The following SPSB4 variants were observed in gnomAD, a reference collection of about 807,000 sequenced individuals.
SPSB4 encodes splA/ryanodine receptor domain and SOCS box containing 4.
SPSB4 carries 21 observed loss-of-function variants against 20.9 expected under a neutral mutation model. The observed-to-expected ratio is 1.01, with a 90% CI of 0.71 to 1.45. The LOEUF (loss-of-function observed/expected upper bound fraction) is 1.45. SPSB4 is among the 40% of genes most tolerant of loss of function. The pLI is 0.00. For synonymous variants in SPSB4, 207 were observed against 183.8 expected (o/e 1.13, Z -1.02); for missense variants, 399 against 399.2 (o/e 1.00, Z 0.00).
At chr3:141,111,832 A>C (rs1053828995) in intron 2 of SPSB4, among the ~76,000 whole-genome samples, 1 of 152,120 alleles carries the variant, frequency 6.6e-6, no homozygotes, top group Non-Finnish European at 1.5e-5. Flanking sequence ...ATCGGGCAAG[A>C]GTCTAGGGCT....
intron 2 of SPSB4, among the ~76,000 whole-genome samples, chr3:141,138,463 T>C (rs1374337170): frequency 6.6e-6 from 1 of 152,240 alleles, no homozygotes; most frequent in Non-Finnish European, 1.5e-5. Context: ...CTTTCTCTTG[T>C]GGGCATTTAG....
At chr3:141,094,153 C>CT (rs1294198350) in intron 2 of SPSB4, among the ~76,000 whole-genome samples, 2 of 152,322 alleles carry the variant, frequency 1.3e-5, no homozygotes, top group African/African-American at 4.8e-5. Flanking sequence ...GTGGTCTGCC[C>CT]TGAGGCTGAC....
At chr3:141,077,340 C>T (rs1938136794) in intron 2 of SPSB4, 1 of 152,242 alleles carries the variant, frequency 6.6e-6, no homozygotes. Context: ...GCTTCGTGAC[C>T]CGCCTGCTGG....
intron 1 of SPSB4, among the ~76,000 whole-genome samples, chr3:141,064,611 G>A (rs1295055007): frequency 6.6e-6 from 1 of 152,192 alleles, no homozygotes; most frequent in Non-Finnish European, 1.5e-5. Context: ...ACTTTGGCTA[G>A]GGGTGTACCA....
intron 2 of SPSB4, among the ~76,000 whole-genome samples, chr3:141,141,474 A>AC (rs1283629122): frequency 2.0e-5 from 3 of 151,358 alleles, no homozygotes; most frequent in Admixed American, 6.6e-5. Flanking sequence ...TCTTGGCTCC[A>AC]CCCCCCCAGT....
At position 141,109,159 on chromosome 3, in the gene SPSB4, G is replaced by A. The variant is rs1938752183; in HGVS notation, c.695-37983G>A. 2.0e-5 allele frequency among the ~76,000 whole-genome samples: 3 copies of A among 152,110 alleles called. 1 individual carries two copies. The highest frequency in any genetic ancestry group is 1.3e-4 in the Admixed American group (2 of 15,274). ...CCTGTTTTCAGCCACCCTCCCCAGA[G>A]GCAACCGATGCTGTCAGATTCTTGT... On this transcript the variant is annotated intron_variant, in intron 2 of 2. Transcript: ENST00000310546.
At chr3:141,142,803 CTTTTTTTTTTTTTT>C (rs57674247) in intron 2 of SPSB4, among the ~76,000 whole-genome samples, 18 of 62,032 alleles carry the variant, frequency 2.9e-4, no homozygotes, top group South Asian at 1.9e-3. Flanking sequence ...CCCTCTTTGT[CTTTTTTTTTTTTTT>C]TTTTTTTTTT....
intron 2 of SPSB4, among the ~76,000 whole-genome samples, chr3:141,132,691 A>T (rs561751721): frequency 1.3e-4 from 20 of 151,932 alleles, no homozygotes; most frequent in African/African-American, 4.6e-4. Flanking sequence ...TGGTTTATCC[A>T]CTCATTCATT....
At chr3:141,101,690 A>G (rs1938614704) in intron 2 of SPSB4, among the ~76,000 whole-genome samples, 1 of 152,226 alleles carries the variant, frequency 6.6e-6, no homozygotes, top group Admixed American at 6.5e-5. Flanking sequence ...TACCTGTGTA[A>G]TATTCCCCAA....
At chr3:141,140,819 A>C (rs1295524566) in intron 2 of SPSB4, among the ~76,000 whole-genome samples, 8 of 150,314 alleles carry the variant, frequency 5.3e-5, no homozygotes, top group East Asian at 2.0e-4. Context: ...CTCAGATCTC[A>C]AGCTGCGTGC....
At chr3:141,144,932 A>T (rs1223801991) in intron 2 of SPSB4, among the ~76,000 whole-genome samples, 1 of 152,144 alleles carries the variant, frequency 6.6e-6, no homozygotes, top group African/African-American at 2.4e-5. Flanking sequence ...CTGATGCCAG[A>T]TGGGGGACAG....
At chr3:141,111,592 A>C (rs1938798973) in intron 2 of SPSB4, among the ~76,000 whole-genome samples, 1 of 151,996 alleles carries the variant, frequency 6.6e-6, no homozygotes, top group Non-Finnish European at 1.5e-5. Context: ...CAGCAAGAAA[A>C]GAGTGGGAAC....
At chr3:141,104,107 T>C (rs1938652802) in intron 2 of SPSB4, among the ~76,000 whole-genome samples, 1 of 152,074 alleles carries the variant, frequency 6.6e-6, no homozygotes, top group African/African-American at 2.4e-5. Context: ...AAGCAGCCCC[T>C]AGAAGGGTGT....
intron 2 of SPSB4, among the ~76,000 whole-genome samples, chr3:141,114,660 T>C (rs1938857612): frequency 6.6e-6 from 1 of 152,226 alleles, no homozygotes; most frequent in South Asian, 2.1e-4. Flanking sequence ...TTATCCACGG[T>C]CAAGGGCATC....
At chr3:141,083,207 TG>T (rs918095656) in intron 2 of SPSB4, among the ~76,000 whole-genome samples, 5 of 151,992 alleles carry the variant, frequency 3.3e-5, no homozygotes, top group African/African-American at 1.2e-4. Context: ...CTCACTAGAG[TG>T]GGGGTGCCTG....
intron 2 of SPSB4, among the ~76,000 whole-genome samples, chr3:141,145,038 G>C (rs764119451): frequency 1.5e-4 from 23 of 152,106 alleles, no homozygotes; most frequent in Non-Finnish European, 2.8e-4. Context: ...CAGTGATTGG[G>C]TGACTGGGAG....
At chr3:141,145,489 G>A (rs185828299) in intron 2 of SPSB4, among the ~76,000 whole-genome samples, 46 of 152,240 alleles carry the variant, frequency 3.0e-4, no homozygotes, top group African/African-American at 9.6e-4. Flanking sequence ...CTTCACTGCA[G>A]GTTGTGATAA....
At chr3:141,057,404 GAAAT>G (rs1169614853) in intron 1 of SPSB4, among the ~76,000 whole-genome samples, 9 of 152,200 alleles carry the variant, frequency 5.9e-5, no homozygotes, top group African/African-American at 2.2e-4. Flanking sequence ...ATAAAGACAT[GAAAT>G]AAATAGTCTG....
At chr3:141,053,978 C>G (rs1255311910) in intron 1 of SPSB4, among the ~76,000 whole-genome samples, 1 of 152,198 alleles carries the variant, frequency 6.6e-6, no homozygotes, top group Non-Finnish European at 1.5e-5. Context: ...ACTCCAAAGG[C>G]TCATTCACTT....
Sources: gnomAD v4.1 joint callset for allele counts (sites outside exome capture counted in the v4.1 genomes callset) on GRCh38, gnomAD v4.1.1 for gene constraint, MANE v1.5 for transcripts, NCBI Gene and HGNC (gene_info 2026-07-23, HGNC 2026-07-21) for gene names.